Variants in ALK observed in about 807,000 individuals in gnomAD.
The protein encoded by ALK is ALK tyrosine kinase receptor.
Under a neutral mutation model 163.1 loss-of-function variants are expected in ALK, and 74 were observed. That is an observed-to-expected ratio of 0.45 (90% CI 0.38 to 0.55). ALK has a LOEUF of 0.55. Ranked by LOEUF, ALK falls within the 20% of genes least tolerant of loss-of-function variation. ALK has a pLI of 0.00. For synonymous variants in ALK, 960 were observed against 843.2 expected (o/e 1.14, Z -2.40); for missense variants, 2,063 against 2,105.3 (o/e 0.98, Z 0.39).
chr2:29,627,772 A>AATT (rs1676238978), intron 3 of ALK, among the ~76,000 whole-genome samples: 1 of 152,252 alleles, frequency 6.6e-6, no homozygotes, highest in African/African-American at 2.4e-5. Flanking sequence ...AGTGTTAAAC[A>AATT]ATTCATCTTT....
At chr2:29,742,252 G>A (rs1161090009) in intron 1 of ALK, among the ~76,000 whole-genome samples, 1 of 152,218 alleles carries the variant, frequency 6.6e-6, no homozygotes. Context: ...CAGGCTTGCT[G>A]ATAAACATCA....
chr2:29,526,704 G>A (rs996284061), intron 4 of ALK, among the ~76,000 whole-genome samples: 4 of 152,164 alleles, frequency 2.6e-5, no homozygotes, highest in East Asian at 1.9e-4. Context: ...GGCAAGATTC[G>A]AAGAGAACTT....
At chr2:29,234,417 C>A (rs565931829) in intron 13 of ALK, among the ~76,000 whole-genome samples, 88 of 152,102 alleles carry the variant, frequency 5.8e-4, no homozygotes, top group Non-Finnish European at 1.2e-3. Context: ...GAGAAAAAAA[C>A]CAGCAAGAGG....
intron 3 of ALK, among the ~76,000 whole-genome samples, chr2:29,594,477 GGA>G (rs2148209283): frequency 6.9e-6 from 1 of 144,520 alleles, no homozygotes; most frequent in Admixed American, 7.0e-5. Context: ...CACCCAGGCT[GGA>G]GTGTAGTGGC....
intron 3 of ALK, among the ~76,000 whole-genome samples, chr2:29,585,154 A>G (rs575597356): frequency 1.3e-5 from 2 of 152,072 alleles, no homozygotes; most frequent in African/African-American, 4.8e-5. Flanking sequence ...TCAATTATTG[A>G]TAGTTTTAAA....
At position 29,888,098 on chromosome 2, in the gene ALK, G is replaced by C. The variant is rs570641924; in HGVS notation, c.667+31895C>G. 1.4e-3 allele frequency among the ~76,000 whole-genome samples: 213 copies of C among 152,252 alleles called. 1 individual carries two copies. Among genetic ancestry groups the C allele is most frequent in the South Asian group, 5.4e-3 (26 of 4,824 alleles). On this transcript the variant is annotated intron_variant, in intron 1 of 28. Coordinates refer to ENST00000389048, the MANE Select transcript of ALK (RefSeq NM_004304.5). ...GTGGTTTATCACCTCTTAGAGGCTC[G>C]TGGGATAGCTGTGACTCAGCTAGTT...
intron 26 of ALK, among the ~76,000 whole-genome samples, chr2:29,206,083 G>A (rs1669301814): frequency 6.6e-6 from 1 of 152,270 alleles, no homozygotes; most frequent in Non-Finnish European, 1.5e-5. Context: ...ATAAGGGACA[G>A]CCAGCAAGCT....
Position 29,920,426 on chromosome 2 carries a change from C to T in ALK, c.234G>A (p.Ser78=), listed in dbSNP as rs1338599727. The change falls in exon 1 of 29, where the codon TCG becomes TCA. Residue 78 remains serine, a synonymous_variant. Coordinates refer to ENST00000389048, the MANE Select transcript of ALK (RefSeq NM_004304.5). The part of the protein sequence containing the change: ...ARDLLLPPSS[S]ELKAGRPEAR... ...CCTCGGGCCTGCCAGCCTTCAGCTC[C>T]GAGGAGGATGGTGGCAGCAGTAGGT... 3.7e-6 allele frequency: 6 copies of T among 1,602,614 alleles called. No homozygotes were observed. The highest frequency in any genetic ancestry group is 2.7e-5 in the African/African-American group (2 of 74,680).
rs566816794 is a variant in ALK, at chr2:29,827,030, G to A, written c.667+92963C>T. Among the ~76,000 whole-genome samples the A allele has an allele frequency of 6.4e-4, 98 of 152,322 alleles. 1 individual carries two copies. The highest frequency in any genetic ancestry group is 2.2e-3 in the African/African-American group (92 of 41,570). On this transcript the variant is annotated intron_variant, in intron 1 of 28. Transcript: ENST00000389048. ...TCCACATATATGAACCCAAATCCAA[G>A]TGTCAGAGACTAACAGAGATATCGG... is the stretch of plus-strand genomic sequence containing the variant.
intron 1 of ALK, among the ~76,000 whole-genome samples, chr2:29,881,906 G>A (rs1446451550): frequency 6.6e-6 from 1 of 152,128 alleles, no homozygotes; most frequent in Non-Finnish European, 1.5e-5. Context: ...ATTGGAGGGA[G>A]AAACAACTAG....
At chr2:29,781,635 C>T (rs979031388) in intron 1 of ALK, among the ~76,000 whole-genome samples, 3 of 152,212 alleles carry the variant, frequency 2.0e-5, no homozygotes, top group African/African-American at 7.2e-5. Flanking sequence ...ATGAACGGTA[C>T]TGAGGTTTTT....
chr2:29,431,929 C>CGTCCCGTCCCGTCCA (rs1373741136), intron 4 of ALK, among the ~76,000 whole-genome samples: 2 of 151,836 alleles, frequency 1.3e-5, no homozygotes, highest in Non-Finnish European at 2.9e-5. Flanking sequence ...TATCCTGTCC[C>CGTCCCGTCCCGTCCA]GTCCCGTCCC....
intron 5 of ALK, among the ~76,000 whole-genome samples, chr2:29,361,911 C>G (rs1308162160): frequency 6.6e-6 from 1 of 152,200 alleles, no homozygotes; most frequent in Non-Finnish European, 1.5e-5. Flanking sequence ...AACAAATAAT[C>G]TTTAGCCCAT....
At chr2:29,276,801 A>G (rs1180323354) in intron 9 of ALK, among the ~76,000 whole-genome samples, 2 of 152,188 alleles carry the variant, frequency 1.3e-5, no homozygotes, top group African/African-American at 4.8e-5. Context: ...TGGGGCCAGA[A>G]AGCAGATTAG....
At chr2:29,506,750 AC>A (rs761634680) in intron 4 of ALK, among the ~76,000 whole-genome samples, 12,003 of 124,878 alleles carry the variant, frequency 0.096, 636 homozygotes, top group Non-Finnish European at 0.13. Context: ...CGTCTCAAAA[AC>A]AAAACAAAAA....
At chr2:29,778,942 T>C (rs1402410360) in intron 1 of ALK, among the ~76,000 whole-genome samples, 4 of 150,910 alleles carry the variant, frequency 2.7e-5, no homozygotes, top group Non-Finnish European at 4.4e-5. Context: ...GATCACGAGG[T>C]CAGGAGATCG....
At chr2:29,299,575 G>A (rs1387005919) in intron 8 of ALK, among the ~76,000 whole-genome samples, 1 of 152,144 alleles carries the variant, frequency 6.6e-6, no homozygotes, top group African/African-American at 2.4e-5. Context: ...GGGTTATAGG[G>A]ACTGTTAACT....
At chr2:29,616,158 G>T (rs1249761327) in intron 3 of ALK, among the ~76,000 whole-genome samples, 1 of 152,142 alleles carries the variant, frequency 6.6e-6, no homozygotes, top group Non-Finnish European at 1.5e-5. Context: ...CAGCTCTCTG[G>T]GCATTAGAAA....
chr2:29,209,977 G>T, intron 24 of ALK, 99 bp from the exon 25 acceptor site: 1 of 927,676 alleles, frequency 1.1e-6, no homozygotes, highest in Non-Finnish European at 1.7e-6. Flanking sequence ...AGTTTAAATA[G>T]TTCCTTCCCT....
Sources: allele counts gnomAD v4.1 joint callset (sites outside exome capture counted in the v4.1 genomes callset), GRCh38; gene constraint gnomAD v4.1.1; transcripts MANE v1.5; gene names NCBI Gene and HGNC (gene_info 2026-07-23, HGNC 2026-07-21).